FYN: variants seen among roughly 807,000 people sequenced by gnomAD.
FYN encodes the protein tyrosine-protein kinase Fyn.
A neutral mutation model predicts 70.2 loss-of-function variants in FYN; 10 were observed. That is an observed-to-expected ratio of 0.14 (90% CI 0.09 to 0.24). The LOEUF is 0.24. FYN is among the 10% of genes least tolerant of loss of function. FYN has a pLI of 1.00. For synonymous variants in FYN, 236 were observed against 248.6 expected (o/e 0.95, Z 0.48); for missense variants, 319 against 673.1 (o/e 0.47, Z 5.82).
rs79924358 is a variant in FYN at position 111,817,721 on chromosome 6, T to C, written c.-82+28868A>G. 3.0e-3 allele frequency among the ~76,000 whole-genome samples: 461 copies of C among 152,348 alleles called. 3 individuals carry two copies. The highest frequency in any genetic ancestry group is 0.011 in the African/African-American group (437 of 41,584). On this transcript the variant is annotated intron_variant, in intron 2 of 13. Transcript: ENST00000354650. ...CCTCAAGTTATTTGGCGAAGATACA[T>C]TGCTTTCCTTAAATGCTGGATTGAG...
intron 2 of FYN, among the ~76,000 whole-genome samples, chr6:111,781,516 A>G (rs1771170469): frequency 6.6e-6 from 1 of 152,074 alleles, no homozygotes; most frequent in Admixed American, 6.6e-5. Flanking sequence ...ACCACTTCCT[A>G]TGACCTGCGA....
intron 3 of FYN, among the ~76,000 whole-genome samples, chr6:111,751,166 C>T (rs1054734637): frequency 1.3e-5 from 2 of 152,176 alleles, no homozygotes; most frequent in Non-Finnish European, 2.9e-5. Flanking sequence ...TTTGGGGGCA[C>T]TGGGGACAGA....
At position 111,763,846 on chromosome 6, in the gene FYN, G is replaced by A. The variant is rs1020644356; in HGVS notation, c.-12+16720C>T. Among the ~76,000 whole-genome samples, 5 of 152,140 alleles carry A rather than the reference G, an allele frequency of 3.3e-5. 1 individual carries two copies. Among genetic ancestry groups the A allele is most frequent in the African/African-American group, 1.2e-4 (5 of 41,420 alleles). On this transcript the variant is annotated intron_variant, in intron 3 of 13. Coordinates refer to ENST00000354650, the MANE Select transcript of FYN (RefSeq NM_002037.5). ...TTGGGCAGGTGTGTAATTTCTTAGAGCTTCAGTTTCCATTGTTATAAAATG... is the reference window on the plus strand; with the variant it reads ...TTGGGCAGGTGTGTAATTTCTTAGAACTTCAGTTTCCATTGTTATAAAATG...
chr6:111,670,788 G>A (rs1216277826), intron 13 of FYN, among the ~76,000 whole-genome samples: 68 of 151,916 alleles, frequency 4.5e-4, no homozygotes, highest in Non-Finnish European at 3.1e-4. Flanking sequence ...GTGGGGAGGC[G>A]GGGAGAAACT....
intron 3 of FYN, among the ~76,000 whole-genome samples, chr6:111,743,705 C>T (rs1270598338): frequency 2.0e-5 from 3 of 152,198 alleles, no homozygotes; most frequent in South Asian, 2.1e-4. Context: ...TCCCAGAGAT[C>T]GGTACCAGCA....
intron 2 of FYN, among the ~76,000 whole-genome samples, chr6:111,782,186 C>G (rs545233049): frequency 6.6e-6 from 1 of 152,166 alleles, no homozygotes; most frequent in African/African-American, 2.4e-5. Context: ...TTTAAAAGTA[C>G]TTTATTTGAT....
At chr6:111,686,542 G>A (rs1053633001) in intron 12 of FYN, among the ~76,000 whole-genome samples, 3 of 152,234 alleles carry the variant, frequency 2.0e-5, no homozygotes, top group South Asian at 2.1e-4. Flanking sequence ...CACACTAGTC[G>A]GTGCTTAAGA....
At chr6:111,723,940 G>T (rs1378886348) in intron 3 of FYN, among the ~76,000 whole-genome samples, 2 of 152,136 alleles carry the variant, frequency 1.3e-5, no homozygotes, top group Non-Finnish European at 2.9e-5. Context: ...CATGGCTATA[G>T]TCTTCTGCAA....
Position 111,719,806 on chromosome 6 carries a change from T to C in FYN, c.246A>G (p.Thr82=), listed in dbSNP as rs2128461760. The C allele has an allele frequency of 1.2e-6, 2 of 1,613,802 alleles. No individual in the cohort carries two copies. The highest frequency in any genetic ancestry group is 4.5e-5 in the East Asian group (2 of 44,874). ...CACTCTGTGACTTTGGGGGCTTACCTGTTCCTCCTCTCGTACGCAAGGTCC... is the reference window on the plus strand; with the variant it reads ...CACTCTGTGACTTTGGGGGCTTACCCGTTCCTCCTCTCGTACGCAAGGTCC... ...HTGTLRTRGG[T]GVTLFVALYD... The change falls in exon 4 of 14, where the codon ACA becomes ACG. Residue 82 remains threonine (T), a splice_region_variant and synonymous_variant. Transcript: ENST00000354650.
intron 3 of FYN, among the ~76,000 whole-genome samples, chr6:111,761,270 A>C (rs1455957434): frequency 6.6e-6 from 1 of 152,186 alleles, no homozygotes; most frequent in Non-Finnish European, 1.5e-5. Context: ...AAGTTAAGCC[A>C]CTTTCCCAAA....
At chr6:111,812,198 A>T (rs1562530236) in intron 2 of FYN, among the ~76,000 whole-genome samples, 1 of 152,334 alleles carries the variant, frequency 6.6e-6, no homozygotes, top group South Asian at 2.1e-4. Flanking sequence ...TCTGCATCTA[A>T]GTGAATGAGG....
chr6:111,722,468 T>C (rs889197005), intron 3 of FYN, among the ~76,000 whole-genome samples: 2 of 152,236 alleles, frequency 1.3e-5, no homozygotes, highest in Non-Finnish European at 2.9e-5. Flanking sequence ...ATTAACTCTT[T>C]CGTGGTGGAA....
intron 3 of FYN, among the ~76,000 whole-genome samples, chr6:111,774,044 G>A (rs1803608131): frequency 6.6e-6 from 1 of 152,216 alleles, no homozygotes. Flanking sequence ...GCTGTGGGCC[G>A]AGCATCCTAC....
intron 6 of FYN, among the ~76,000 whole-genome samples, chr6:111,704,584 G>T (rs1206911196): frequency 6.6e-6 from 1 of 151,232 alleles, no homozygotes; most frequent in Non-Finnish European, 1.5e-5. Flanking sequence ...TGAAACCCCA[G>T]CTCTACTAAA....
chr6:111,868,781 T>G lies in FYN; in HGVS notation c.-123+4187A>C, dbSNP rs145297623. ...TTGAATTAGTTACTTAACAAGCTACTAAAGTTTGCTTCAATTTCCCATCTG... is the reference window on the plus strand; with the variant it reads ...TTGAATTAGTTACTTAACAAGCTACGAAAGTTTGCTTCAATTTCCCATCTG... On this transcript the variant is annotated intron_variant, in intron 1 of 13. Transcript: ENST00000354650. Among the ~76,000 whole-genome samples the G allele has an allele frequency of 2.4e-3, 362 of 152,338 alleles. 1 individual carries two copies. The highest frequency in any genetic ancestry group is 0.01 in the Middle Eastern group (3 of 294).
chr6:111,783,797 G>C (rs1771264051), intron 2 of FYN, among the ~76,000 whole-genome samples: 1 of 152,196 alleles, frequency 6.6e-6, no homozygotes. Flanking sequence ...GCTGGGAGTG[G>C]GGGCGGGACA....
intron 3 of FYN, among the ~76,000 whole-genome samples, chr6:111,730,815 A>G (rs1801413878): frequency 1.3e-5 from 2 of 152,004 alleles, no homozygotes; most frequent in African/African-American, 2.4e-5. Flanking sequence ...TACCCTCCTT[A>G]CCCTCATTCT....
chr6:111,809,173 A>T (rs971635899), intron 2 of FYN, among the ~76,000 whole-genome samples: 1 of 152,180 alleles, frequency 6.6e-6, no homozygotes, highest in Admixed American at 6.5e-5. Context: ...GTTAGGTTTT[A>T]CCTCCATCTT....
intron 2 of FYN, among the ~76,000 whole-genome samples, chr6:111,823,358 T>C (rs982027789): frequency 1.3e-5 from 2 of 152,164 alleles, no homozygotes; most frequent in Admixed American, 6.5e-5. Context: ...GCCATAAATC[T>C]GCATTTAAAA....
Sources: allele counts gnomAD v4.1 joint callset (sites outside exome capture counted in the v4.1 genomes callset), GRCh38; gene constraint gnomAD v4.1.1; transcripts MANE v1.5; gene names NCBI Gene and HGNC (gene_info 2026-07-23, HGNC 2026-07-21).